ZNF730: variants seen among roughly 807,000 people sequenced by gnomAD.
The protein encoded by ZNF730 is putative zinc finger protein 730.
In ZNF730, 12 loss-of-function variants were observed where a neutral mutation model predicts 12.6. The observed-to-expected ratio is 0.95, with a 90% confidence interval of 0.61 to 1.54. ZNF730 has a LOEUF of 1.54. Ranked by LOEUF, ZNF730 falls within the 40% of genes most tolerant of loss-of-function variation. The probability of loss-of-function intolerance (pLI) is 0.00; values close to 1 mark genes in which losing one functional copy is unlikely to be tolerated. For missense variants in ZNF730, 643 were observed against 583.5 expected, an observed-to-expected ratio of 1.10 and a Z score of -1.05; for synonymous variants, 194 against 195.8, an observed-to-expected ratio of 0.99 and a Z score of 0.08.
upstream of ZNF730, among the ~76,000 whole-genome samples, chr19:23,113,341 A>G (rs1474071018): frequency 6.6e-6 from 1 of 152,236 alleles, no homozygotes; most frequent in Non-Finnish European, 1.5e-5. Context: ...GCTGCATTGT[A>G]TTCTCAAAAG....
chr19:23,075,555 C>T (rs1969841978), intron 1 of ZNF730, among the ~76,000 whole-genome samples: 1 of 152,142 alleles, frequency 6.6e-6, no homozygotes, highest in Non-Finnish European at 1.5e-5. Flanking sequence ...GCGGCCGGGA[C>T]CCCCAGCGTC....
intron 1 of ZNF730, among the ~76,000 whole-genome samples, chr19:23,085,826 ATTTTTTTTTCTTTTTTTTTTTT>A (rs1970051998): frequency 1.4e-5 from 1 of 72,546 alleles, no homozygotes; most frequent in Non-Finnish European, 2.8e-5. Context: ...ATTTCACCCA[ATTTTTTTTTCTTTTTTTTTTTT>A]TTTTTTTTTT....
At position 23,127,343 on chromosome 19, in the gene ZNF730, A is replaced by G. The variant is rs1172727296; in HGVS notation, c.4-6737A>G. On this transcript the variant is annotated intron_variant, in intron 1 of 3. Transcript: ENST00000597761. Reference sequence around the variant, plus strand: ...TTTTCTCAAAATAGGATGTGCTGTCACATGACATAGGAACACTTCATGCAT... The same window carrying G: ...TTTTCTCAAAATAGGATGTGCTGTCGCATGACATAGGAACACTTCATGCAT... The G allele has an allele frequency of 4.3e-6, 3 of 698,640 alleles. No homozygotes were observed. In the East Asian group the frequency reaches 7.9e-5, roughly 18 times the overall value. 43.3% of individuals were successfully genotyped at this position (698,640 alleles called of 1,614,324 possible). A position where few individuals can be genotyped will look rare whatever the true frequency, so the allele number is the denominator to read the frequency against.
chr19:23,132,592 T>C (rs1017266740), intron 1 of ZNF730, among the ~76,000 whole-genome samples: 1 of 152,200 alleles, frequency 6.6e-6, no homozygotes, highest in African/African-American at 2.4e-5. Context: ...ATATTAAAAA[T>C]GTTCCCTTTG....
upstream of ZNF730, chr19:23,116,938 C>G (rs527612278): frequency 9.7e-6 from 1 of 102,878 alleles, no homozygotes; most frequent in Admixed American, 3.6e-4. Flanking sequence ...GGGCCTTAAA[C>G]GTTATCCAAT....
chr19:23,139,367 C>T (rs1970881336), intron 3 of ZNF730, among the ~76,000 whole-genome samples: 2 of 151,826 alleles, frequency 1.3e-5, no homozygotes, highest in African/African-American at 2.4e-5. Context: ...AAATGTTTAT[C>T]AAAAGTTTTT....
At chr19:23,136,467 C>T (rs760038675) in intron 3 of ZNF730, among the ~76,000 whole-genome samples, 1 of 152,030 alleles carries the variant, frequency 6.6e-6, no homozygotes, top group Non-Finnish European at 1.5e-5. Context: ...TGCAGTGGTG[C>T]GATCTCGGCT....
chr19:23,081,376 A>G (rs375211444), intron 1 of ZNF730, among the ~76,000 whole-genome samples: 4 of 150,284 alleles, frequency 2.7e-5, no homozygotes, highest in African/African-American at 4.9e-5. Flanking sequence ...CTGGAGTGCA[A>G]TGGTGCTATC....
At position 23,127,011 on chromosome 19, in the gene ZNF730, A is replaced by G. The variant is rs147668512; in HGVS notation, c.4-7069A>G. ...TGAAACTTTGAGAAAAAACTTGCGT[A>G]TATCTGTAGAATCCCGAGTTCCTAA... is the stretch of plus-strand genomic sequence containing the variant. On this transcript the variant is annotated intron_variant, in intron 1 of 3. Transcript: ENST00000597761. 360 of 508,740 alleles carry G rather than the reference A, an allele frequency of 7.1e-4. 2 individuals are homozygous for G. The highest frequency in any genetic ancestry group is 6.3e-3 in the African/African-American group (323 of 51,014). The allele number at this position is 508,740 out of a possible 1,614,324, so 31.5% of individuals were successfully genotyped here.
At chr19:23,103,261 G>T (rs1475870388) in intron 1 of ZNF730, among the ~76,000 whole-genome samples, 1 of 152,194 alleles carries the variant, frequency 6.6e-6, no homozygotes, top group Non-Finnish European at 1.5e-5. Context: ...CAAACAAATG[G>T]TGGAAGGATT....
At chr19:23,131,974 T>C (rs1970748390) in intron 1 of ZNF730, among the ~76,000 whole-genome samples, 1 of 152,214 alleles carries the variant, frequency 6.6e-6, no homozygotes, top group Middle Eastern at 3.2e-3. Flanking sequence ...CAGAACCTGT[T>C]CTGTTTGGGT....
intron 1 of ZNF730, among the ~76,000 whole-genome samples, chr19:23,119,290 T>C (rs62122973): frequency 0.04 from 6,026 of 152,268 alleles, 133 homozygotes; most frequent in East Asian, 0.11. Flanking sequence ...ATCGAAATAA[T>C]TTTGTGGTTT....
In ZNF730 at chr19:23,085,527, T is replaced by TA. The variant is rs1555711255; in HGVS notation, c.-94+10143dup. Among the ~76,000 whole-genome samples the TA allele has an allele frequency of 2.9e-3, 247 of 84,294 alleles. 2 individuals are homozygous for TA. Among genetic ancestry groups the TA allele is most frequent in the African/African-American group, 0.011 (239 of 22,358 alleles). The allele number at this position is 84,294 out of a possible 152,430, so 55.3% of individuals were successfully genotyped here. On this transcript the variant is annotated intron_variant, in intron 1 of 2. Transcript: ENST00000593635. ...TTTTTTTTTTTTTTTTTTTTTTTTT[T>TA]AAATATAGACAGAGTCTTGCTCTGT... is the stretch of plus-strand genomic sequence containing the variant.
chr19:23,127,170 G>T lies in ZNF730; in HGVS notation c.4-6910G>T, dbSNP rs1970681720. 73 of 544,226 alleles carry T rather than the reference G, an allele frequency of 1.3e-4. 4 individuals are homozygous for T. The highest frequency in any genetic ancestry group is 1.1e-3 in the South Asian group (69 of 63,960). 33.7% of individuals were successfully genotyped at this position (544,226 alleles called of 1,614,324 possible). On this transcript the variant is annotated intron_variant, in intron 1 of 3. Coordinates refer to ENST00000597761, the MANE Select transcript of ZNF730 (RefSeq NM_001277403.2). The stretch of plus-strand genomic sequence containing the variant: ...AAAGAAATGTTTGTTCATGCTCAAA[G>T]AAATTATCTACATCCTTTACTCCGG...
Position 23,145,486 on chromosome 19 carries a change from G to A in ZNF730, c.442G>A (p.Asp148Asn). ...TTCCCATAGCAAAATATTTCAGTGT[G>A]ACAAATATGTGAAAGTCTTTCATAA... ...TTSHSKIFQCDKYVKVFHKFS... is the reference protein window; with the variant it reads ...TTSHSKIFQCNKYVKVFHKFS... The change falls in exon 4 of 4, where the codon GAC (aspartate) becomes AAC (asparagine). Residue 148 changes from aspartate (D) to asparagine (N), a missense_variant. Asp to Asn is a conservative substitution (Grantham distance 23, BLOSUM62 1). Coordinates refer to ENST00000597761, the MANE Select transcript of ZNF730 (RefSeq NM_001277403.2). The A allele has an allele frequency of 1.9e-6, 3 of 1,566,468 alleles. No individual in the cohort carries two copies. The South Asian group carries it at 3.5e-5, about 18-fold the overall frequency.
chr19:23,119,349 T>C (rs1970570223), intron 1 of ZNF730, among the ~76,000 whole-genome samples: 1 of 152,242 alleles, frequency 6.6e-6, no homozygotes, highest in Admixed American at 6.5e-5. Flanking sequence ...GATTTGTGTA[T>C]GTTGAACAAA....
At chr19:23,093,624 G>T (rs953871409) in intron 1 of ZNF730, among the ~76,000 whole-genome samples, 2 of 152,126 alleles carry the variant, frequency 1.3e-5, no homozygotes, top group Non-Finnish European at 2.9e-5. Flanking sequence ...AGGCACTGGT[G>T]TCTGGGGATG....
At chr19:23,091,009 A>AAAAAAG (rs1388213142) in intron 1 of ZNF730, among the ~76,000 whole-genome samples, 4 of 151,934 alleles carry the variant, frequency 2.6e-5, no homozygotes, top group African/African-American at 9.7e-5. Flanking sequence ...TCAAAAAAAA[A>AAAAAAG]AAAAAGAAAA....
chr19:23,137,528 C>T (rs1011313460), intron 3 of ZNF730, among the ~76,000 whole-genome samples: 1 of 152,204 alleles, frequency 6.6e-6, no homozygotes, highest in African/African-American at 2.4e-5. Context: ...CCAGAACCAG[C>T]AGCTTCTTAC....
Sources: allele counts gnomAD v4.1 joint callset (sites outside exome capture counted in the v4.1 genomes callset), GRCh38; gene constraint gnomAD v4.1.1; transcripts MANE v1.5; gene names NCBI Gene and HGNC (gene_info 2026-07-23, HGNC 2026-07-21).